The following PDE4B variants were observed in gnomAD, a reference collection of about 807,000 sequenced individuals.
PDE4B encodes the protein 3',5'-cyclic-AMP phosphodiesterase 4B.
A neutral mutation model predicts 82.2 loss-of-function variants in PDE4B; 20 were observed. That is an observed-to-expected ratio of 0.24 (90% confidence interval 0.17 to 0.35). The LOEUF (loss-of-function observed/expected upper bound fraction) is 0.35, where lower values mean the gene tolerates loss of function less well. Among genes scored for constraint, PDE4B ranks in the 10% least tolerant of loss-of-function variants. The pLI, the probability that PDE4B is intolerant of heterozygous loss-of-function variation, is 1.00. For synonymous variants in PDE4B, 320 were observed against 318.9 expected (o/e 1.00, Z -0.04); for missense variants, 655 against 907.2 (o/e 0.72, Z 3.57).
At chr1:66,142,833 A>T (rs900157598) in intron 3 of PDE4B, among the ~76,000 whole-genome samples, 5 of 152,190 alleles carry the variant, frequency 3.3e-5, no homozygotes, top group Non-Finnish European at 7.4e-5. Flanking sequence ...TCAGAAAAAA[A>T]GTTAGTCAGA....
chr1:65,814,913 G>C lies in PDE4B; in HGVS notation c.-71+21665G>C, dbSNP rs1014344905. Among the ~76,000 whole-genome samples the C allele has an allele frequency of 1.3e-4, 19 of 151,732 alleles. 1 individual carries two copies. The highest frequency in any genetic ancestry group is 2.9e-5 in the Non-Finnish European group (2 of 67,954). On this transcript the variant is annotated intron_variant, in intron 1 of 16. Coordinates refer to ENST00000341517, the MANE Select transcript of PDE4B (RefSeq NM_002600.4). ...TTTATTTGTCTTGAGTAAATACCTA[G>C]TTATGGAAAAGCTTGATTTTTCTAG...
chr1:66,118,480 C>T (rs1386596439), intron 3 of PDE4B, among the ~76,000 whole-genome samples: 1 of 151,704 alleles, frequency 6.6e-6, no homozygotes, highest in Admixed American at 6.6e-5. Flanking sequence ...GACAAAAAAC[C>T]AAACACCGCA....
At chr1:66,020,483 A>C (rs1436631066) in intron 3 of PDE4B, among the ~76,000 whole-genome samples, 4 of 146,274 alleles carry the variant, frequency 2.7e-5, no homozygotes, top group African/African-American at 1.0e-4. Flanking sequence ...CCCCATGGAC[A>C]GGCCCTGGTG....
intron 3 of PDE4B, among the ~76,000 whole-genome samples, chr1:66,195,928 C>T (rs894996376): frequency 1.3e-5 from 2 of 150,712 alleles, no homozygotes; most frequent in African/African-American, 4.9e-5. Flanking sequence ...AAACCTCCTT[C>T]TTCACCTATT....
At chr1:65,927,717 C>T (rs1376855879) in intron 3 of PDE4B, among the ~76,000 whole-genome samples, 1 of 151,902 alleles carries the variant, frequency 6.6e-6, no homozygotes, top group Non-Finnish European at 1.5e-5. Context: ...CACAGTCCCT[C>T]CAGGGATGCG....
intron 4 of PDE4B, among the ~76,000 whole-genome samples, chr1:66,255,846 AT>A (rs1219297869): frequency 6.6e-6 from 1 of 152,154 alleles, no homozygotes; most frequent in East Asian, 1.9e-4. Flanking sequence ...ATGATTTGAT[AT>A]GTCAACTATG....
At chr1:66,028,683 A>T (rs1653590491) in intron 3 of PDE4B, among the ~76,000 whole-genome samples, 1 of 152,136 alleles carries the variant, frequency 6.6e-6, no homozygotes, top group African/African-American at 2.4e-5. Context: ...TCCATCAGAT[A>T]CCCTAAATCA....
chr1:66,119,823 G>A (rs923681119), intron 3 of PDE4B, among the ~76,000 whole-genome samples: 4 of 152,038 alleles, frequency 2.6e-5, no homozygotes, highest in African/African-American at 9.7e-5. Flanking sequence ...AATATGACTG[G>A]TATCTTTTAA....
At chr1:66,061,079 C>T (rs1019335824) in intron 3 of PDE4B, among the ~76,000 whole-genome samples, 1 of 151,360 alleles carries the variant, frequency 6.6e-6, no homozygotes. Context: ...ATCTCTAGAA[C>T]ACGTTCTTTG....
At chr1:66,060,272 G>A (rs995936350) in intron 3 of PDE4B, among the ~76,000 whole-genome samples, 8 of 152,036 alleles carry the variant, frequency 5.3e-5, no homozygotes, top group Admixed American at 6.6e-5. Flanking sequence ...TAACTCTTTC[G>A]GTATTGTGCA....
chr1:66,179,332 T>A (rs182207591), intron 3 of PDE4B, among the ~76,000 whole-genome samples: 233 of 152,310 alleles, frequency 1.5e-3, no homozygotes, highest in African/African-American at 5.3e-3. Flanking sequence ...ATTTTTTCCT[T>A]TATTTGTCAA....
At chr1:66,094,939 T>A (rs1645087137) in intron 3 of PDE4B, among the ~76,000 whole-genome samples, 1 of 151,946 alleles carries the variant, frequency 6.6e-6, no homozygotes, top group Non-Finnish European at 1.5e-5. Flanking sequence ...CTGTGCAGTC[T>A]GACTCTAAAG....
chr1:66,227,839 C>T (rs145020946), intron 3 of PDE4B, among the ~76,000 whole-genome samples: 2 of 152,220 alleles, frequency 1.3e-5, no homozygotes, highest in African/African-American at 4.8e-5. Context: ...ATGATCTGAT[C>T]TCTACCCCAA....
chr1:66,338,112 T>G (rs1329691087), intron 8 of PDE4B, among the ~76,000 whole-genome samples: 1 of 152,260 alleles, frequency 6.6e-6, no homozygotes, highest in African/African-American at 2.4e-5. Flanking sequence ...TACCTCATTC[T>G]GTAATCAATA....
At chr1:66,259,323 C>T (rs938931729) in intron 6 of PDE4B, among the ~76,000 whole-genome samples, 1 of 152,156 alleles carries the variant, frequency 6.6e-6, no homozygotes, top group African/African-American at 2.4e-5. Flanking sequence ...TTAGGGCTTA[C>T]ATTCTAATAC....
At chr1:66,233,862 T>C (rs1031752763) in intron 3 of PDE4B, among the ~76,000 whole-genome samples, 1 of 152,226 alleles carries the variant, frequency 6.6e-6, no homozygotes, top group Admixed American at 6.5e-5. Flanking sequence ...ATTCCTTGGA[T>C]ACACCCTACT....
At chr1:65,911,187 T>C (rs908819529) in intron 1 of PDE4B, among the ~76,000 whole-genome samples, 11 of 152,166 alleles carry the variant, frequency 7.2e-5, no homozygotes, top group Non-Finnish European at 1.6e-4. Flanking sequence ...CTACTGATGT[T>C]ACCCTGGACC....
At chr1:65,838,666 C>T (rs1355272780) in intron 1 of PDE4B, among the ~76,000 whole-genome samples, 1 of 147,312 alleles carries the variant, frequency 6.8e-6, no homozygotes, top group African/African-American at 2.5e-5. Flanking sequence ...TGTTTTTTTC[C>T]TCCCATTTCT....
intron 1 of PDE4B, among the ~76,000 whole-genome samples, chr1:65,887,072 T>C (rs4655804): frequency 0.17 from 26,016 of 151,844 alleles, 2,862 homozygotes; most frequent in South Asian, 0.38. Flanking sequence ...CTGGGTAAGA[T>C]TATATCACAT....
Sources: gnomAD v4.1 joint callset for allele counts (sites outside exome capture counted in the v4.1 genomes callset) on GRCh38, gnomAD v4.1.1 for gene constraint, MANE v1.5 for transcripts, NCBI Gene and HGNC (gene_info 2026-07-23, HGNC 2026-07-21) for gene names.